The following MON2 variants were observed in gnomAD, a reference collection of about 807,000 sequenced individuals.
MON2 encodes the protein protein MON2 homolog.
MON2 carries 84 observed loss-of-function variants against 208.6 expected under a neutral mutation model. The ratio of observed to expected loss-of-function variants is 0.40; its 90% CI spans 0.34 to 0.48. MON2 has a LOEUF of 0.48. Among genes scored for constraint, MON2 ranks in the 20% least tolerant of loss-of-function variants. The pLI is 0.59. For missense variants in MON2, 1,611 were observed against 2,015.4 expected (o/e 0.80, Z 3.84); for synonymous variants, 660 against 694.0 (o/e 0.95, Z 0.77).
chr12:62,534,048 A>G (rs528329588), intron 12 of MON2, among the ~76,000 whole-genome samples: 5 of 152,132 alleles, frequency 3.3e-5, no homozygotes, highest in Non-Finnish European at 5.9e-5. Flanking sequence ...CCTCACTCCA[A>G]CTGGTCACAC....
At chr12:62,561,191 G>C (rs2074185163) in intron 26 of MON2, 78 bp downstream of exon 26, 1 of 1,230,122 alleles carries the variant, frequency 8.1e-7, no homozygotes, top group South Asian at 1.6e-5. Context: ...TATTTGCGGG[G>C]ATAAATTTTA....
At chr12:62,577,164 T>C (rs992537964) in intron 30 of MON2, among the ~76,000 whole-genome samples, 1 of 152,066 alleles carries the variant, frequency 6.6e-6, no homozygotes, top group Admixed American at 6.6e-5. Context: ...GATGCAGATA[T>C]AGTCTGTGAA....
At chr12:62,550,909 C>CTTTTTTTTTTTTTTTT (rs869160726) in intron 23 of MON2, among the ~76,000 whole-genome samples, 21 of 43,804 alleles carry the variant, frequency 4.8e-4, no homozygotes, top group East Asian at 1.3e-3. Flanking sequence ...TTCTTTCTTT[C>CTTTTTTTTTTTTTTTT]TTTTTTTTTT....
chr12:62,590,354 A>G (rs903258743), intron 34 of MON2, among the ~76,000 whole-genome samples: 2 of 152,102 alleles, frequency 1.3e-5, no homozygotes, highest in Admixed American at 1.3e-4. Context: ...TGGCCTCCGA[A>G]AGTGCTGGGA....
chr12:62,587,356 A>G (rs534662677), intron 33 of MON2, among the ~76,000 whole-genome samples: 17 of 151,308 alleles, frequency 1.1e-4, no homozygotes, highest in Non-Finnish European at 5.9e-5. Flanking sequence ...GCTTTGGCAA[A>G]TCTCTTTTAG....
chr12:62,511,227 C>T (rs180881536), intron 8 of MON2, among the ~76,000 whole-genome samples: 5 of 152,104 alleles, frequency 3.3e-5, no homozygotes, highest in African/African-American at 9.7e-5. Flanking sequence ...AAAATTCCAA[C>T]AGCAATTTTT....
At chr12:62,532,987 A>G (rs2072728589) in intron 12 of MON2, among the ~76,000 whole-genome samples, 2 of 151,998 alleles carry the variant, frequency 1.3e-5, no homozygotes, top group East Asian at 1.9e-4. Flanking sequence ...TTATCATCTA[A>G]CTCCAGGTCT....
chr12:62,598,848 T>A lies in MON2; in HGVS notation c.*6099T>A, dbSNP rs1316122731. ...TAGTTATAACTGTGATTGTACAGAT[T>A]GTTTATTTGTTTTACAGCTAACATT... On this transcript the variant is annotated 3_prime_UTR_variant, in exon 35 of 35. Transcript: ENST00000393630. 6.6e-6 allele frequency: 1 copy of A among 152,194 alleles called. No homozygotes were observed. Among genetic ancestry groups the A allele is most frequent in the Non-Finnish European group, 1.5e-5 (1 of 68,022 alleles). 9.4% of individuals were successfully genotyped at this position (152,194 alleles called of 1,614,324 possible).
intron 19 of MON2, among the ~76,000 whole-genome samples, chr12:62,541,301 G>T (rs1402643776): frequency 6.6e-6 from 1 of 151,738 alleles, no homozygotes; most frequent in Non-Finnish European, 1.5e-5. Flanking sequence ...GAATCACTTG[G>T]GAGGTGGAGG....
intron 3 of MON2, among the ~76,000 whole-genome samples, chr12:62,494,375 A>G (rs181415469): frequency 4.6e-4 from 70 of 152,296 alleles, no homozygotes; most frequent in Admixed American, 1.1e-3. Flanking sequence ...CCTAGATTAT[A>G]TGGAGTAATA....
At chr12:62,509,831 C>T (rs1186181119) in intron 8 of MON2, among the ~76,000 whole-genome samples, 1 of 147,288 alleles carries the variant, frequency 6.8e-6, no homozygotes, top group Non-Finnish European at 1.5e-5. Flanking sequence ...CATAAATAAA[C>T]AAAATGGAGA....
rs1244057579 is a variant in MON2 at position 62,597,187 on chromosome 12, C to A, written c.*4438C>A. 1 of 152,054 alleles carries A rather than the reference C, an allele frequency of 6.6e-6. No homozygotes were observed. Among genetic ancestry groups the A allele is most frequent in the African/African-American group, 2.4e-5 (1 of 41,398 alleles). 9.4% of individuals were successfully genotyped at this position (152,054 alleles called of 1,614,324 possible). ...GTAAGAGAGATCTTTGACCATTTTTCTTCCTTTTTCTTGGACATCACTTTC... is the reference window on the plus strand; with the variant it reads ...GTAAGAGAGATCTTTGACCATTTTTATTCCTTTTTCTTGGACATCACTTTC... On this transcript the variant is annotated 3_prime_UTR_variant, in exon 35 of 35. Transcript: ENST00000393630.
At chr12:62,567,631 TC>T (rs760269137) in intron 29 of MON2, among the ~76,000 whole-genome samples, 3 of 152,228 alleles carry the variant, frequency 2.0e-5, no homozygotes, top group Non-Finnish European at 4.4e-5. Context: ...TACTTTTCTC[TC>T]CTCACTGCTT....
intron 29 of MON2, among the ~76,000 whole-genome samples, chr12:62,570,722 CTTTTTTTTTTTTTTTT>C (rs1192680038): frequency 2.8e-5 from 2 of 70,814 alleles, no homozygotes; most frequent in East Asian, 4.2e-4. Flanking sequence ...TTTTCTTTTT[CTTTTTTTTTTTTTTTT>C]TTTTTTTTTT....
chr12:62,562,230 G>A (rs1022647431), intron 26 of MON2, among the ~76,000 whole-genome samples: 1 of 151,668 alleles, frequency 6.6e-6, no homozygotes, highest in Non-Finnish European at 1.5e-5. Context: ...CCTTTGAGAT[G>A]CCCGTAATCT....
At chr12:62,484,480 G>A (rs1241499871) in intron 2 of MON2, among the ~76,000 whole-genome samples, 1 of 152,166 alleles carries the variant, frequency 6.6e-6, no homozygotes, top group Non-Finnish European at 1.5e-5. Context: ...TTAAAGGCAA[G>A]GAATTTTTTC....
rs374251278 is a variant in MON2 at position 62,533,673 on chromosome 12, A to G, written c.1633+1003A>G. Among the ~76,000 whole-genome samples, 16 of 152,284 alleles carry G rather than the reference A, an allele frequency of 1.1e-4. No individual in the cohort carries two copies. In the South Asian group the frequency reaches 2.7e-3, roughly 26 times the overall value. On this transcript the variant is annotated intron_variant, in intron 12 of 34. Coordinates refer to ENST00000393630, the MANE Select transcript of MON2 (RefSeq NM_015026.3). ...CATCCCAGGTGTCAGTCATTTCTCC[A>G]GGAAGTCCTGGTTCCTTTTAGTGGA...
intron 26 of MON2, among the ~76,000 whole-genome samples, chr12:62,564,151 C>T (rs1157824878): frequency 1.3e-5 from 2 of 152,094 alleles, no homozygotes; most frequent in Non-Finnish European, 2.9e-5. Context: ...TACTTTATAT[C>T]TCAGTGCAGT....
chr12:62,559,675 C>T (rs1305464130), intron 25 of MON2, among the ~76,000 whole-genome samples: 2 of 151,630 alleles, frequency 1.3e-5, no homozygotes, highest in East Asian at 3.9e-4. Context: ...ATCCCAGCCA[C>T]ACTTGGGAGG....
Sources: gnomAD v4.1 joint callset for allele counts (sites outside exome capture counted in the v4.1 genomes callset) on GRCh38, gnomAD v4.1.1 for gene constraint, MANE v1.5 for transcripts, NCBI Gene and HGNC (gene_info 2026-07-23, HGNC 2026-07-21) for gene names.